CLCNKA: variants seen among roughly 807,000 people sequenced by gnomAD.
The protein encoded by CLCNKA is chloride voltage-gated channel Ka.
A neutral mutation model predicts 83.3 loss-of-function variants in CLCNKA; 66 were observed. The observed-to-expected ratio is 0.79, with a 90% confidence interval of 0.65 to 0.97. The LOEUF is 0.97. Among genes scored for constraint, CLCNKA ranks in the 50% least tolerant of loss-of-function variants. The probability of loss-of-function intolerance (pLI) is 0.00; values close to 1 mark genes in which losing one functional copy is unlikely to be tolerated. For missense variants in CLCNKA, 806 were observed against 888.7 expected (o/e 0.91, Z 1.18); for synonymous variants, 357 against 370.4 (o/e 0.96, Z 0.42).
In CLCNKA at chr1:16,023,745, G is replaced by T. The variant is rs534907809; in HGVS notation, c.101-55G>T. ...GAGCCAAGCAGACCTCCAGGGAAGG[G>T]GCTGTCTGTGCCCCTTGCCCCAACA... On this transcript the variant is annotated intron_variant, in intron 2 of 19. Coordinates refer to ENST00000331433, the MANE Select transcript of CLCNKA (RefSeq NM_004070.4). The T allele has an allele frequency of 2.5e-6, 4 of 1,610,262 alleles. No individual in the cohort carries two copies. In the African/African-American group the frequency reaches 5.3e-5, roughly 21 times the overall value.
At chr1:16,031,583 C>G (rs2022626208) in intron 15 of CLCNKA, 127 bp from the exon 16 acceptor site, 2 of 1,391,620 alleles carry the variant, frequency 1.4e-6, no homozygotes, top group Non-Finnish European at 2.0e-6. Context: ...CCAGGAACCT[C>G]TCCAGCCCTG....
In CLCNKA at chr1:16,032,522, A is replaced by G; in HGVS notation, c.1925A>G (p.His642Arg). The G allele has an allele frequency of 6.2e-7, 1 of 1,612,018 alleles. No homozygotes were observed. The highest frequency in any genetic ancestry group is 8.5e-7 in the Non-Finnish European group (1 of 1,178,870). The change falls in exon 18 of 20, where the codon CAC (histidine) becomes CGC (arginine). Residue 642 changes from histidine to arginine, a missense_variant. Transcript: ENST00000331433. ...TLTLFSETTL[H>R]QAQNLFKLLN... is the part of the protein sequence containing the mutation. ...ACGCTATTCTCAGAGACCACCTTGC[A>G]CCAGGTAACAAGTATTGGGGAGTGT...
chr1:16,024,015 T>C (rs2022243833), intron 3 of CLCNKA, 87 bp downstream of exon 3: 3 of 1,538,714 alleles, frequency 1.9e-6, no homozygotes, highest in Non-Finnish European at 1.8e-6. Flanking sequence ...AGTGCAGCGG[T>C]GCAGGGACGG....
chr1:16,026,527 C>T lies in CLCNKA; in HGVS notation c.499-9C>T, dbSNP rs755262766. The T allele has an allele frequency of 3.1e-6, 5 of 1,613,758 alleles. No homozygotes were observed. Among genetic ancestry groups the T allele is most frequent in the African/African-American group, 2.7e-5 (2 of 74,884 alleles). Reference sequence around the variant, plus strand: ...CTGCCCTCACCTGGGCCCACCCTTCCCTCTGCAGGGCCCTTTCGTGCACCT... The same window carrying T: ...CTGCCCTCACCTGGGCCCACCCTTCTCTCTGCAGGGCCCTTTCGTGCACCT... On this transcript the variant is annotated splice_polypyrimidine_tract_variant and intron_variant, in intron 5 of 19. Coordinates refer to ENST00000331433, the MANE Select transcript of CLCNKA (RefSeq NM_004070.4).
In CLCNKA at chr1:16,026,729, A is replaced by C. The variant is rs2022367695; in HGVS notation, c.609A>C (p.Ala203=). 3 of 1,613,582 alleles carry C rather than the reference A, an allele frequency of 1.9e-6. No individual in the cohort carries two copies. The Admixed American group carries it at 5.0e-5, about 27-fold the overall frequency. Reference sequence around the variant, plus strand: ...GCAAGCAAAACGAAATGCTGGTGGCAGCGGCGGCAGTGGGCGTGGCCACAG... The same window carrying C: ...GCAAGCAAAACGAAATGCTGGTGGCCGCGGCGGCAGTGGGCGTGGCCACAG... ...NKSKQNEMLV[A]AAAVGVATVF... is the part of the protein sequence containing the mutation. The change falls in exon 7 of 20, where the codon GCA becomes GCC. Residue 203 remains alanine, a synonymous_variant. Coordinates refer to ENST00000331433, the MANE Select transcript of CLCNKA (RefSeq NM_004070.4).
At position 16,024,830 on chromosome 1, in the gene CLCNKA, C is replaced by T. The variant is rs1171015852; in HGVS notation, c.297C>T (p.Tyr99=). 1 of 1,614,156 alleles carries T rather than the reference C, an allele frequency of 6.2e-7. No individual in the cohort carries two copies. Among genetic ancestry groups the T allele is most frequent in the South Asian group, 1.1e-5 (1 of 91,082 alleles). ...HLLRYLSWTV[Y]PVALVSFSSG... ...TCCGGTATCTTTCCTGGACTGTGTACCCTGTGGCCCTCGTCTCTTTCTCCT... is the reference window on the plus strand; with the variant it reads ...TCCGGTATCTTTCCTGGACTGTGTATCCTGTGGCCCTCGTCTCTTTCTCCT... Residue 99 remains tyrosine (Y), a synonymous_variant, in exon 4 of 20, where the codon TAC becomes TAT. Coordinates refer to ENST00000331433, the MANE Select transcript of CLCNKA (RefSeq NM_004070.4).
At position 16,022,751 on chromosome 1, in the gene CLCNKA, G is replaced by A. The variant is rs564531580; in HGVS notation, c.100+32G>A. On this transcript the variant is annotated intron_variant, in intron 2 of 19. Transcript: ENST00000331433. Reference sequence around the variant, plus strand: ...GCCAGGTCCTCTTCCCTACCCGCGGGGGACCACTCAGGACATCATTCCTGC... The same window carrying A: ...GCCAGGTCCTCTTCCCTACCCGCGGAGGACCACTCAGGACATCATTCCTGC... 5.3e-5 allele frequency: 76 copies of A among 1,442,240 alleles called. No individual in the cohort carries two copies. In the East Asian group the frequency reaches 1.0e-3, roughly 19 times the overall value. The allele number at this position is 1,442,240 out of a possible 1,614,324, so 89.3% of individuals were successfully genotyped here.
At chr1:16,027,731 C>T (rs889255025) in intron 8 of CLCNKA, 90 bp from the exon 9 acceptor site, 43 of 1,378,700 alleles carry the variant, frequency 3.1e-5, no homozygotes, top group African/African-American at 3.0e-4. Flanking sequence ...CAGGACCTGG[C>T]ACCCCCTCCA....
chr1:16,027,583 A>T, intron 8 of CLCNKA, 148 bp downstream of exon 8: 1 of 1,477,810 alleles, frequency 6.8e-7, no homozygotes, highest in Admixed American at 2.1e-5. Context: ...TTCAGGGAGG[A>T]TGGAAGGGGC....
chr1:16,030,413 G>T (rs762579709), intron 14 of CLCNKA, 48 bp from the exon 15 acceptor site: 17 of 1,605,962 alleles, frequency 1.1e-5, no homozygotes, highest in Non-Finnish European at 1.4e-5. Flanking sequence ...CATCAGGCTG[G>T]CCCCTGCCTC....
At position 16,027,432 on chromosome 1, in the gene CLCNKA, C is replaced by T. The variant is rs121909138; in HGVS notation, c.778C>T (p.Gln260Ter). ...FRLLAVFNSE[Q>*]ETITSLYKTS... ...GCTCCTGGCAGTCTTCAACAGCGAG[C>T]AGGGTGAGCCCCCTGGGCTGCCTGA... Residue 260 changes from glutamine (Q) to a stop codon, truncating the protein, a stop_gained, in exon 8 of 20, where the codon CAG becomes TAG. Coordinates refer to ENST00000331433, the MANE Select transcript of CLCNKA (RefSeq NM_004070.4). LOFTEE classifies it high-confidence loss of function. The T allele has an allele frequency of 3.2e-5, 51 of 1,613,886 alleles. 1 individual carries two copies. In the East Asian group the frequency reaches 1.1e-3, roughly 35 times the overall value.
intron 4 of CLCNKA, among the ~76,000 whole-genome samples, chr1:16,025,561 G>A (rs1178126200): frequency 6.6e-6 from 1 of 152,064 alleles, no homozygotes; most frequent in African/African-American, 2.4e-5. Context: ...GTGCCTGCCT[G>A]TAGTCCCAGC....
In CLCNKA at chr1:16,028,791, G is replaced by C; in HGVS notation, c.999G>C (p.Leu333Phe). ...SKPVYSALAT[L>F]LLASITYPPG... ...CTGTGTACTCCGCTCTGGCCACCTT[G>C]CTTCTCGCCTCCATCACCTACCCGC... Residue 333 changes from leucine to phenylalanine, a missense_variant, in exon 11 of 20, where the codon TTG (leucine) becomes TTC (phenylalanine). Leu to Phe is a conservative substitution (Grantham distance 22). Transcript: ENST00000331433. The C allele has an allele frequency of 1.2e-6, 2 of 1,614,170 alleles. No homozygotes were observed. Among genetic ancestry groups the C allele is most frequent in the Admixed American group, 3.3e-5 (2 of 60,028 alleles).
In CLCNKA at chr1:16,027,908, G is replaced by T; in HGVS notation, c.866+3G>T. The stretch of plus-strand genomic sequence containing the variant: ...ATCTTCTTTTTTGTGGCGCTGGGGT[G>T]AGTGGGTGCCTTGGGCCCCTGAGAG... On this transcript the variant is annotated splice_donor_region_variant and intron_variant, in intron 9 of 19. Transcript: ENST00000331433. 4 of 1,613,820 alleles carry T rather than the reference G, an allele frequency of 2.5e-6. No individual in the cohort carries two copies. Among genetic ancestry groups the T allele is most frequent in the Non-Finnish European group, 3.4e-6 (4 of 1,179,880 alleles).
In CLCNKA at chr1:16,024,787, T is replaced by C. The variant is rs769317041; in HGVS notation, c.254T>C (p.Ile85Thr). The C allele has an allele frequency of 2.5e-6, 4 of 1,614,034 alleles. No homozygotes were observed. Among genetic ancestry groups the C allele is most frequent in the Non-Finnish European group, 2.5e-6 (3 of 1,179,996 alleles). ...VRAHQWLYRE[I>T]GDSHLLRYLS... Reference sequence around the variant, plus strand: ...GCACACCAGTGGCTGTACAGGGAGATTGGGGACAGCCACCTGCTCCGGTAT... The same window carrying C: ...GCACACCAGTGGCTGTACAGGGAGACTGGGGACAGCCACCTGCTCCGGTAT... The change falls in exon 4 of 20, where the codon ATT (isoleucine) becomes ACT (threonine). Residue 85 changes from isoleucine (I) to threonine (T), a missense_variant. By Grantham distance (89) the Ile-to-Thr change is moderately conservative (BLOSUM62 -1). Transcript: ENST00000331433.
At position 16,026,762 on chromosome 1, in the gene CLCNKA, A is replaced by T. The variant is rs371660947; in HGVS notation, c.642A>T (p.Ala214=). ...AAAVGVATVF[A]APFSGVLFSI... is the part of the protein sequence containing the mutation. ...CAGTGGGCGTGGCCACAGTCTTTGC[A>T]GCTCCCTTCAGCGGTGAGACCCCCC... is the stretch of plus-strand genomic sequence containing the variant. Residue 214 remains alanine, a synonymous_variant, in exon 7 of 20, where the codon GCA becomes GCT. Transcript: ENST00000331433. The T allele has an allele frequency of 3.8e-5, 62 of 1,613,420 alleles. No homozygotes were observed. The highest frequency in any genetic ancestry group is 5.3e-5 in the African/African-American group (4 of 74,910).
intron 4 of CLCNKA, among the ~76,000 whole-genome samples, chr1:16,025,503 A>G (rs1307533066): frequency 1.3e-5 from 2 of 152,090 alleles, no homozygotes; most frequent in Non-Finnish European, 2.9e-5. Flanking sequence ...CCATCTCTAC[A>G]AAAAATAAAA....
At chr1:16,022,458 G>C (rs775050405) in intron 1 of CLCNKA, among the ~76,000 whole-genome samples, 155 bp from the exon 2 acceptor site, 2 of 152,136 alleles carry the variant, frequency 1.3e-5, no homozygotes, top group African/African-American at 2.4e-5. Flanking sequence ...CGGAACCTCA[G>C]GGATGAGGGC....
chr1:16,029,894 T>C (rs1366725747), intron 13 of CLCNKA, 71 bp from the exon 14 acceptor site: 3 of 1,602,692 alleles, frequency 1.9e-6, no homozygotes, highest in East Asian at 2.2e-5. Context: ...GTACTAAGGA[T>C]GGTCCTCAGG....
Sources: gnomAD v4.1 joint callset for allele counts (sites outside exome capture counted in the v4.1 genomes callset) on GRCh38, gnomAD v4.1.1 for gene constraint, MANE v1.5 for transcripts, NCBI Gene and HGNC (gene_info 2026-07-23, HGNC 2026-07-21) for gene names.